Variants in TBC1D31 observed in about 807,000 individuals in gnomAD.
TBC1D31 encodes TBC1 domain family member 31, also known as WD repeat domain 67.
A neutral mutation model predicts 132.9 loss-of-function variants in TBC1D31; 99 were observed. That is an observed-to-expected ratio of 0.74 (90% confidence interval 0.63 to 0.88). The LOEUF is 0.88. TBC1D31 is among the 40% of genes least tolerant of loss of function. The pLI is 0.00. For missense variants in TBC1D31, 1,134 were observed against 1,256.6 expected, an observed-to-expected ratio of 0.90 and a Z score of 1.48; for synonymous variants, 385 against 419.4, an observed-to-expected ratio of 0.92 and a Z score of 1.00.
At chr8:123,132,766 A>G (rs1042411292) in intron 16 of TBC1D31, among the ~76,000 whole-genome samples, 1 of 152,158 alleles carries the variant, frequency 6.6e-6, no homozygotes, top group Non-Finnish European at 1.5e-5. Flanking sequence ...ATAGCATGAT[A>G]CTTCTTGTTT....
At chr8:123,091,429 T>C (rs751970311) in intron 4 of TBC1D31, among the ~76,000 whole-genome samples, 23 of 152,228 alleles carry the variant, frequency 1.5e-4, no homozygotes, top group Non-Finnish European at 8.8e-5. Flanking sequence ...TGAAACAGTG[T>C]TCTAATGCGT....
chr8:123,159,598 CCTGA>C, the TBC1D31 span, among the ~76,000 whole-genome samples: 3 of 152,250 alleles, frequency 2.0e-5, no homozygotes, highest in African/African-American at 2.4e-5. Flanking sequence ...TCGAGACCAG[CCTGA>C]CTAACATGGA....
chr8:123,162,793 C>T, the TBC1D31 span, among the ~76,000 whole-genome samples: 6 of 152,102 alleles, frequency 3.9e-5, no homozygotes, highest in Non-Finnish European at 8.8e-5. Flanking sequence ...AACAAACCAC[C>T]CAAAACGTAA....
chr8:123,149,636 C>G (rs1380115739), intron 20 of TBC1D31, among the ~76,000 whole-genome samples: 2 of 152,160 alleles, frequency 1.3e-5, no homozygotes, highest in Non-Finnish European at 2.9e-5. Context: ...AAGAAGGGTT[C>G]GGGTAAAACT....
chr8:123,157,553 T>C, the TBC1D31 span, among the ~76,000 whole-genome samples: 1 of 152,100 alleles, frequency 6.6e-6, no homozygotes, highest in Non-Finnish European at 1.5e-5. Context: ...TATTTTTGTG[T>C]AGTGCGTACA....
At chr8:123,117,556 C>A (rs1170328704) in intron 10 of TBC1D31, among the ~76,000 whole-genome samples, 1 of 151,308 alleles carries the variant, frequency 6.6e-6, no homozygotes, top group Non-Finnish European at 1.5e-5. Context: ...AGATCGAGAC[C>A]ATCCTGGCTG....
chr8:123,161,723 A>G, the TBC1D31 span, among the ~76,000 whole-genome samples: 2 of 152,216 alleles, frequency 1.3e-5, no homozygotes, highest in Non-Finnish European at 2.9e-5. Flanking sequence ...ACATTTAAAA[A>G]TATACCCAAT....
In TBC1D31 at chr8:123,072,811, A is replaced by G. The variant is rs1814036712; in HGVS notation, c.42A>G (p.Ile14Met). The G allele has an allele frequency of 6.4e-7, 1 of 1,574,374 alleles. No homozygotes were observed. The highest frequency in any genetic ancestry group is 8.6e-7 in the Non-Finnish European group (1 of 1,160,454). Residue 14 changes from isoleucine to methionine, a missense_variant, in exon 1 of 22, where the codon ATA (isoleucine) becomes ATG (methionine). Physicochemically the swap from Ile to Met is conservative, Grantham distance 10. Coordinates refer to ENST00000287380, the MANE Select transcript of TBC1D31 (RefSeq NM_145647.4). ...TAGGCAACAAGGAGAGCGGCAAGAT[A>G]TGGCACCGCAAGCCGTCCCCGGCCA... ...TDLGNKESGK[I>M]WHRKPSPATR...
the TBC1D31 span, among the ~76,000 whole-genome samples, chr8:123,162,709 A>G: frequency 6.6e-6 from 1 of 152,228 alleles, no homozygotes; most frequent in African/African-American, 2.4e-5. Context: ...TTGCACGAAT[A>G]ATATGTACTA....
rs1820063760 is a variant in TBC1D31, at chr8:123,126,668, A to G, written c.1865A>G (p.Asn622Ser). 6.2e-7 allele frequency: 1 copy of G among 1,611,322 alleles called. No homozygotes were observed. Among genetic ancestry groups the G allele is most frequent in the Admixed American group, 1.7e-5 (1 of 59,444 alleles). ...ICSRTPLLSCNLKDDFEFFFH... is the reference protein window; with the variant it reads ...ICSRTPLLSCSLKDDFEFFFH... ...TCTAGAACGCCTCTGCTCAGCTGTA[A>G]TCTTAAAGATGACTTTGAGGTAACG... is the stretch of plus-strand genomic sequence containing the variant. Residue 622 changes from asparagine (N) to serine (S), a missense_variant, in exon 13 of 22, where the codon AAT (asparagine) becomes AGT (serine). Transcript: ENST00000287380.
chr8:123,084,656 T>C (rs965827460), intron 4 of TBC1D31, among the ~76,000 whole-genome samples: 4 of 152,244 alleles, frequency 2.6e-5, no homozygotes, highest in Non-Finnish European at 5.9e-5. Flanking sequence ...AGTAGATTTG[T>C]GAGAATTTTT....
chr8:123,115,765 T>A (rs1818855994), intron 10 of TBC1D31, among the ~76,000 whole-genome samples: 1 of 152,212 alleles, frequency 6.6e-6, no homozygotes, highest in African/African-American at 2.4e-5. Flanking sequence ...TCTGTAGTCG[T>A]ATCTCCCTCT....
At chr8:123,150,011 C>T in intron 20 of TBC1D31, 25 bp from the exon 21 acceptor site, 1 of 1,578,236 alleles carries the variant, frequency 6.3e-7, no homozygotes, top group Non-Finnish European at 8.7e-7. Context: ...CAAACATCAT[C>T]TTAATCTCCT....
At chr8:123,078,923 A>G (rs1347822493) in intron 2 of TBC1D31, among the ~76,000 whole-genome samples, 3 of 152,224 alleles carry the variant, frequency 2.0e-5, no homozygotes, top group Admixed American at 1.3e-4. Context: ...GCCTTAATCA[A>G]ATGACTAAAG....
In TBC1D31 at chr8:123,126,055, G is replaced by A. The variant is rs1385364406; in HGVS notation, c.1571-1G>A. ...TATGTTTTCTTTTTTTTCCTTCATA[G>A]TCAATTGGTGTCAACACTGGTTTGA... On this transcript the variant is annotated splice_acceptor_variant, in intron 11 of 21. Coordinates refer to ENST00000287380, the MANE Select transcript of TBC1D31 (RefSeq NM_145647.4). LOFTEE classifies it high-confidence loss of function. 8 of 1,575,340 alleles carry A rather than the reference G, an allele frequency of 5.1e-6. No individual in the cohort carries two copies. The highest frequency in any genetic ancestry group is 6.9e-6 in the Non-Finnish European group (8 of 1,163,700).
At chr8:123,095,569 G>A (rs1816762922) in intron 5 of TBC1D31, among the ~76,000 whole-genome samples, 1 of 152,190 alleles carries the variant, frequency 6.6e-6, no homozygotes. Flanking sequence ...TAGGCTTAGA[G>A]TAGTTGACAA....
intron 6 of TBC1D31, among the ~76,000 whole-genome samples, chr8:123,100,403 C>T (rs1817276405): frequency 6.6e-6 from 1 of 152,046 alleles, no homozygotes; most frequent in African/African-American, 2.4e-5. Flanking sequence ...TGGTGAAACC[C>T]CATCCCTATT....
chr8:123,163,681 T>A, the TBC1D31 span, among the ~76,000 whole-genome samples: 4 of 152,258 alleles, frequency 2.6e-5, no homozygotes, highest in African/African-American at 7.2e-5. Context: ...TAACCATTTT[T>A]AAAAATTTTT....
rs764547817 is a variant in TBC1D31, at chr8:123,128,528, G to C, written c.2117+15G>C. On this transcript the variant is annotated intron_variant, in intron 14 of 21. Transcript: ENST00000287380. Reference sequence around the variant, plus strand: ...TTAAGAGAGAGGTAATTATGGAATAGTTTTTCTTTTTCTGATACAATGAAA... The same window carrying C: ...TTAAGAGAGAGGTAATTATGGAATACTTTTTCTTTTTCTGATACAATGAAA... The C allele has an allele frequency of 4.3e-5, 66 of 1,526,236 alleles. No homozygotes were observed. Among genetic ancestry groups the C allele is most frequent in the Non-Finnish European group, 5.5e-5 (61 of 1,105,016 alleles). 94.5% of individuals were successfully genotyped at this position (1,526,236 alleles called of 1,614,324 possible). A position where few individuals can be genotyped will look rare whatever the true frequency, so the allele number is the denominator to read the frequency against.
Sources: gnomAD v4.1 joint callset for allele counts (sites outside exome capture counted in the v4.1 genomes callset) on GRCh38, gnomAD v4.1.1 for gene constraint, MANE v1.5 for transcripts, NCBI Gene and HGNC (gene_info 2026-07-23, HGNC 2026-07-21) for gene names.